Variants in UBE2E2 observed in about 807,000 individuals in gnomAD.
UBE2E2 encodes the protein ubiquitin-conjugating enzyme E2 E2.
A neutral mutation model predicts 24.7 loss-of-function variants in UBE2E2; 6 were observed. That is an observed-to-expected ratio of 0.24 (90% confidence interval 0.13 to 0.48). The LOEUF (loss-of-function observed/expected upper bound fraction) is 0.48. Among genes scored for constraint, UBE2E2 ranks in the 20% least tolerant of loss-of-function variants. The probability of loss-of-function intolerance (pLI) is 0.99; values close to 1 mark genes in which losing one functional copy is unlikely to be tolerated. For synonymous variants in UBE2E2, 104 were observed against 83.6 expected (o/e 1.24, Z -1.33); for missense variants, 169 against 245.0 (o/e 0.69, Z 2.07).
chr3:23,277,172 G>C (rs1266808367), intron 3 of UBE2E2, among the ~76,000 whole-genome samples: 6 of 151,964 alleles, frequency 3.9e-5, no homozygotes, highest in Admixed American at 6.6e-5. Flanking sequence ...GTAATATAGT[G>C]GGAGAATAAA....
intron 3 of UBE2E2, among the ~76,000 whole-genome samples, chr3:23,262,971 G>A (rs916311687): frequency 6.6e-6 from 1 of 152,050 alleles, no homozygotes; most frequent in African/African-American, 2.4e-5. Flanking sequence ...CTGGAATTTT[G>A]CCAGCTTGTT....
At chr3:23,342,348 A>C (rs558301982) in intron 3 of UBE2E2, among the ~76,000 whole-genome samples, 1 of 151,910 alleles carries the variant, frequency 6.6e-6, no homozygotes. Context: ...CCATCCATCA[A>C]ATCTTTTGTG....
At chr3:23,269,363 A>G (rs1332283503) in intron 3 of UBE2E2, among the ~76,000 whole-genome samples, 7 of 152,210 alleles carry the variant, frequency 4.6e-5, no homozygotes, top group Non-Finnish European at 8.8e-5. Context: ...AAGAGAAAAA[A>G]CAAACCCGCT....
At chr3:23,472,653 C>CTTTT (rs572862770) in intron 3 of UBE2E2, among the ~76,000 whole-genome samples, 2 of 143,500 alleles carry the variant, frequency 1.4e-5, no homozygotes, top group Non-Finnish European at 1.5e-5. Context: ...ATCTGTAACA[C>CTTTT]TTTTTTTTTT....
chr3:23,325,402 A>G (rs1694857790), intron 3 of UBE2E2, among the ~76,000 whole-genome samples: 1 of 152,218 alleles, frequency 6.6e-6, no homozygotes, highest in Non-Finnish European at 1.5e-5. Context: ...TTCACTTACC[A>G]GGAGTATACC....
intron 3 of UBE2E2, among the ~76,000 whole-genome samples, chr3:23,438,879 A>G (rs889458445): frequency 2.6e-5 from 4 of 152,208 alleles, no homozygotes; most frequent in African/African-American, 9.6e-5. Flanking sequence ...CCATCACTAC[A>G]AATTTTCTGA....
At chr3:23,349,431 A>G (rs1367175668) in intron 3 of UBE2E2, among the ~76,000 whole-genome samples, 2 of 152,162 alleles carry the variant, frequency 1.3e-5, no homozygotes, top group African/African-American at 4.8e-5. Context: ...AGGGCAAGAC[A>G]TTGCCTCACT....
intron 3 of UBE2E2, among the ~76,000 whole-genome samples, chr3:23,479,112 C>G (rs1165797281): frequency 2.0e-5 from 3 of 152,116 alleles, no homozygotes; most frequent in Non-Finnish European, 4.4e-5. Flanking sequence ...TTGGGTTTTG[C>G]TTGGGCCCAC....
chr3:23,467,682 C>T (rs1349787648), intron 3 of UBE2E2, among the ~76,000 whole-genome samples: 1 of 152,086 alleles, frequency 6.6e-6, no homozygotes, highest in Non-Finnish European at 1.5e-5. Context: ...CCATTTATAG[C>T]CTCACTATAC....
intron 3 of UBE2E2, among the ~76,000 whole-genome samples, chr3:23,475,608 G>T (rs1459339391): frequency 6.6e-6 from 1 of 152,028 alleles, no homozygotes; most frequent in Non-Finnish European, 1.5e-5. Context: ...CTCAGAAGGA[G>T]CCAAGAAACC....
intron 3 of UBE2E2, among the ~76,000 whole-genome samples, chr3:23,417,575 C>T (rs1210681351): frequency 2.0e-5 from 3 of 152,166 alleles, no homozygotes; most frequent in Non-Finnish European, 2.9e-5. Flanking sequence ...TAGCAGAGCT[C>T]GAGGGCTGTG....
intron 3 of UBE2E2, among the ~76,000 whole-genome samples, chr3:23,495,482 T>C (rs1009495131): frequency 6.6e-6 from 1 of 152,244 alleles, no homozygotes; most frequent in Admixed American, 6.5e-5. Flanking sequence ...CGTAGCTTGG[T>C]ATTTACTAAA....
chr3:23,543,959 G>T (rs1695454878), intron 5 of UBE2E2, among the ~76,000 whole-genome samples: 1 of 152,100 alleles, frequency 6.6e-6, no homozygotes, highest in African/African-American at 2.4e-5. Flanking sequence ...ACATAAAGTG[G>T]GGAAAGGACA....
intron 3 of UBE2E2, among the ~76,000 whole-genome samples, chr3:23,252,676 T>C (rs541491993): frequency 2.2e-4 from 33 of 152,252 alleles, no homozygotes; most frequent in South Asian, 6.2e-4. Flanking sequence ...TTTGTATTTT[T>C]AGTAGAGACG....
intron 3 of UBE2E2, among the ~76,000 whole-genome samples, chr3:23,251,348 T>G (rs531894513): frequency 2.0e-5 from 3 of 152,232 alleles, no homozygotes; most frequent in Non-Finnish European, 4.4e-5. Context: ...TGACTTTTCA[T>G]TTTATGTTAT....
chr3:23,367,313 G>A (rs969982613), intron 3 of UBE2E2, among the ~76,000 whole-genome samples: 1 of 152,138 alleles, frequency 6.6e-6, no homozygotes, highest in African/African-American at 2.4e-5. Flanking sequence ...TTGACTGATG[G>A]CTGGCAGCAT....
At chr3:23,540,069 T>C (rs1695354905) in intron 5 of UBE2E2, among the ~76,000 whole-genome samples, 1 of 152,110 alleles carries the variant, frequency 6.6e-6, no homozygotes, top group African/African-American at 2.4e-5. Flanking sequence ...TATTATTTAT[T>C]TATTTATTTT....
At chr3:23,499,349 A>T (rs1483888141) in intron 3 of UBE2E2, among the ~76,000 whole-genome samples, 2 of 152,230 alleles carry the variant, frequency 1.3e-5, no homozygotes, top group East Asian at 3.8e-4. Context: ...TCTGGCCTGT[A>T]GTCCTTGGAC....
chr3:23,480,178 G>A (rs935979382), intron 3 of UBE2E2, among the ~76,000 whole-genome samples: 9 of 152,322 alleles, frequency 5.9e-5, no homozygotes, highest in East Asian at 3.9e-4. Context: ...TCCTGCACTC[G>A]TAGGTGTCTA....
Sources: allele counts gnomAD v4.1 joint callset (sites outside exome capture counted in the v4.1 genomes callset), GRCh38; gene constraint gnomAD v4.1.1; transcripts MANE v1.5; gene names NCBI Gene and HGNC (gene_info 2026-07-23, HGNC 2026-07-21).